Variants in AGBL3 observed in about 807,000 individuals in gnomAD.
AGBL3 encodes AGBL carboxypeptidase 3.
Under a neutral mutation model 94.5 loss-of-function variants are expected in AGBL3, and 68 were observed. The ratio of observed to expected loss-of-function variants is 0.72; its 90% confidence interval spans 0.59 to 0.88. The LOEUF is 0.88. Among genes scored for constraint, AGBL3 ranks in the 40% least tolerant of loss-of-function variants. AGBL3 has a pLI of 0.00. For missense variants in AGBL3, 934 were observed against 1,103.8 expected, an observed-to-expected ratio of 0.85 and a Z score of 2.18; for synonymous variants, 354 against 370.7, an observed-to-expected ratio of 0.95 and a Z score of 0.52.
intron 5 of AGBL3, among the ~76,000 whole-genome samples, chr7:135,017,887 GA>G (rs1405574426): frequency 6.6e-6 from 1 of 152,068 alleles, no homozygotes; most frequent in Non-Finnish European, 1.5e-5. Context: ...AAATGGAGAG[GA>G]ATACCTATGA....
At chr7:135,073,712 G>A (rs1003509051) in intron 12 of AGBL3, among the ~76,000 whole-genome samples, 23 of 151,828 alleles carry the variant, frequency 1.5e-4, no homozygotes, top group Admixed American at 1.2e-3. Context: ...GGTCATGACC[G>A]ATTGAGCAAG....
At chr7:135,113,135 A>G (rs1825873970) in intron 15 of AGBL3, among the ~76,000 whole-genome samples, 1 of 152,248 alleles carries the variant, frequency 6.6e-6, no homozygotes, top group Admixed American at 6.5e-5. Context: ...AACTGTAAAT[A>G]AGTTCATTTC....
chr7:135,086,051 C>T (rs528796739), intron 15 of AGBL3, among the ~76,000 whole-genome samples: 6 of 152,022 alleles, frequency 3.9e-5, no homozygotes, highest in South Asian at 4.1e-4. Context: ...GATATTTCAC[C>T]TCTTTGGCTA....
rs557306743 is a variant in AGBL3 at position 135,132,593 on chromosome 7, C to T, written c.2343-2248C>T. On this transcript the variant is annotated intron_variant, in intron 16 of 16. Coordinates refer to ENST00000436302, the MANE Select transcript of AGBL3 (RefSeq NM_178563.4). Reference sequence around the variant, plus strand: ...AAATCTCACCTTTAATTGTAATAATCCCCACGTGTCAAGGCAGGGTCAGGT... The same window carrying T: ...AAATCTCACCTTTAATTGTAATAATTCCCACGTGTCAAGGCAGGGTCAGGT... Among the ~76,000 whole-genome samples the T allele has an allele frequency of 4.3e-4, 65 of 152,226 alleles. 1 individual carries two copies. Among genetic ancestry groups the T allele is most frequent in the Admixed American group, 9.8e-4 (15 of 15,278 alleles).
intron 15 of AGBL3, among the ~76,000 whole-genome samples, chr7:135,085,678 G>T (rs915911156): frequency 6.6e-6 from 1 of 151,800 alleles, no homozygotes; most frequent in African/African-American, 2.4e-5. Context: ...TTTATTTTGG[G>T]GTTCTCTGTT....
At chr7:135,049,953 AGTTT>A (rs1194703473) in intron 11 of AGBL3, among the ~76,000 whole-genome samples, 1 of 150,380 alleles carries the variant, frequency 6.6e-6, no homozygotes, top group African/African-American at 2.4e-5. Context: ...TTTTGGTCTT[AGTTT>A]GTTCTTTTCT....
chr7:135,072,079 A>T (rs1422142565), intron 12 of AGBL3, among the ~76,000 whole-genome samples: 1 of 152,194 alleles, frequency 6.6e-6, no homozygotes, highest in African/African-American at 2.4e-5. Context: ...AAAAACAAAC[A>T]ACCCCATCAA....
chr7:135,119,883 T>G (rs1465421039), intron 16 of AGBL3, among the ~76,000 whole-genome samples: 2 of 149,914 alleles, frequency 1.3e-5, no homozygotes, highest in Non-Finnish European at 3.0e-5. Context: ...TCTCAAAAAA[T>G]AAAAAAAGAA....
At chr7:135,108,056 T>C (rs1825029434) in intron 15 of AGBL3, among the ~76,000 whole-genome samples, 1 of 152,200 alleles carries the variant, frequency 6.6e-6, no homozygotes, top group Non-Finnish European at 1.5e-5. Flanking sequence ...CTGATTTCCA[T>C]TTACTTGGTA....
intron 3 of AGBL3, among the ~76,000 whole-genome samples, chr7:134,991,731 TTC>T (rs1810309005): frequency 6.6e-6 from 1 of 152,136 alleles, no homozygotes; most frequent in South Asian, 2.1e-4. Context: ...GACTAAATTA[TTC>T]TGCTCAAGAG....
intron 12 of AGBL3, among the ~76,000 whole-genome samples, chr7:135,065,142 G>A (rs1819171799): frequency 6.6e-6 from 1 of 152,154 alleles, no homozygotes; most frequent in Non-Finnish European, 1.5e-5. Flanking sequence ...ACAAAGAGGT[G>A]AAAGATCTGT....
intron 14 of AGBL3, 133 bp downstream of exon 14, chr7:135,080,393 C>A: frequency 1.5e-6 from 1 of 660,860 alleles, no homozygotes. Context: ...CCATTTCTTC[C>A]CTGCAGGACC....
chr7:135,045,558 A>G lies in AGBL3; in HGVS notation c.1712A>G (p.Asp571Gly). The change falls in exon 10 of 17, where the codon GAT becomes GGT. Residue 571 changes from aspartate (D) to glycine (G), a missense_variant. Asp to Gly is a moderately conservative substitution (Grantham distance 94). This residue lies in a region of AGBL3 where 441 missense variants were observed against 518.2 expected (regional missense o/e 0.85). Transcript: ENST00000436302. ...HFCDSLLDYC[D>G]PDRTKYYRCL... ...TGTGATTCTCTCTTGGATTATTGTG[A>G]TCCCGACCGGACCAAGGTAAGCAAA... 3 of 1,551,092 alleles carry G rather than the reference A, an allele frequency of 1.9e-6. No individual in the cohort carries two copies. The highest frequency in any genetic ancestry group is 1.7e-4 in the Middle Eastern group (1 of 5,980).
In AGBL3 at chr7:135,045,894, A is replaced by C; in HGVS notation, c.1824A>C (p.Thr608=). 6.5e-7 allele frequency: 1 copy of C among 1,547,802 alleles called. No individual in the cohort carries two copies. Among genetic ancestry groups the C allele is most frequent in the African/African-American group, 1.4e-5 (1 of 73,036 alleles). ...EDSDTPVIDI[T]LDVESSSRGS... ...CAGACACACCTGTGATAGACATTAC[A>C]TTGGATGTAGAGTCTAGGTAACTCA... The change falls in exon 11 of 17, where the codon ACA becomes ACC. Residue 608 remains threonine (T), a synonymous_variant. Coordinates refer to ENST00000436302, the MANE Select transcript of AGBL3 (RefSeq NM_178563.4).
intron 11 of AGBL3, among the ~76,000 whole-genome samples, chr7:135,058,765 T>A (rs889180192): frequency 6.6e-6 from 1 of 152,194 alleles, no homozygotes; most frequent in Non-Finnish European, 1.5e-5. Context: ...TTCTTCTTTT[T>A]TCCCCCCCAA....
At chr7:135,073,787 T>A (rs1820197429) in intron 12 of AGBL3, among the ~76,000 whole-genome samples, 1 of 152,086 alleles carries the variant, frequency 6.6e-6, no homozygotes, top group Non-Finnish European at 1.5e-5. Flanking sequence ...AGGACAGGGA[T>A]CTTCACAGTG....
In AGBL3 at chr7:135,092,210, T is replaced by C. The variant is rs138013798; in HGVS notation, c.2110+10420T>C. Among the ~76,000 whole-genome samples, 22 of 152,322 alleles carry C rather than the reference T, an allele frequency of 1.4e-4. No individual in the cohort carries two copies. In the East Asian group the frequency reaches 3.7e-3, roughly 25 times the overall value. On this transcript the variant is annotated intron_variant, in intron 15 of 16. Transcript: ENST00000436302. ...TCCTTTTCCAGTTAGAGGAAAACTCTGTTTAATAGAAAGAGAAAAGTAACT... is the reference window on the plus strand; with the variant it reads ...TCCTTTTCCAGTTAGAGGAAAACTCCGTTTAATAGAAAGAGAAAAGTAACT...
rs1817448417 is a variant in AGBL3 at position 135,047,196 on chromosome 7, C to T, written c.1841+1285C>T. Reference sequence around the variant, plus strand: ...GGCTTATTTCACTTAGTGTAATGTCCTTGCTGTTTATCCATGTTGTTAACT... The same window carrying T: ...GGCTTATTTCACTTAGTGTAATGTCTTTGCTGTTTATCCATGTTGTTAACT... On this transcript the variant is annotated intron_variant, in intron 11 of 16. Coordinates refer to ENST00000436302, the MANE Select transcript of AGBL3 (RefSeq NM_178563.4). Among the ~76,000 whole-genome samples, 2 of 151,950 alleles carry T rather than the reference C, an allele frequency of 1.3e-5. 1 individual carries two copies. Among genetic ancestry groups the T allele is most frequent in the South Asian group, 4.1e-4 (2 of 4,828 alleles).
intron 15 of AGBL3, among the ~76,000 whole-genome samples, chr7:135,112,222 T>C (rs2117150511): frequency 6.6e-6 from 1 of 152,340 alleles, no homozygotes; most frequent in East Asian, 1.9e-4. Flanking sequence ...TTTGTCTCCC[T>C]GCCTTGTGTT....
Sources: allele counts gnomAD v4.1 joint callset (sites outside exome capture counted in the v4.1 genomes callset), GRCh38; gene constraint gnomAD v4.1.1; regional missense constraint gnomAD v4.1.1; transcripts MANE v1.5; gene names NCBI Gene and HGNC (gene_info 2026-07-23, HGNC 2026-07-21).